The following CTNND2 variants were observed in gnomAD, a reference collection of about 807,000 sequenced individuals.
CTNND2 encodes the protein catenin delta 2.
CTNND2 carries 22 observed loss-of-function variants against 144.4 expected under a neutral mutation model. The ratio of observed to expected loss-of-function variants is 0.15; its 90% CI spans 0.11 to 0.22. CTNND2 has a LOEUF of 0.22. Ranked by LOEUF, CTNND2 falls within the 10% of genes least tolerant of loss-of-function variation. The probability of loss-of-function intolerance (pLI) is 1.00; values close to 1 mark genes in which losing one functional copy is unlikely to be tolerated. For missense variants in CTNND2, 1,353 were observed against 1,618.8 expected, an observed-to-expected ratio of 0.84 and a Z score of 2.82; for synonymous variants, 751 against 695.6, an observed-to-expected ratio of 1.08 and a Z score of -1.25.
chr5:11,283,067 C>T (rs545085184), intron 9 of CTNND2, among the ~76,000 whole-genome samples: 1 of 152,298 alleles, frequency 6.6e-6, no homozygotes, highest in South Asian at 2.1e-4. Context: ...TCCTAAAATG[C>T]TTTGACACCC....
At chr5:11,184,973 T>C (rs1395344559) in intron 11 of CTNND2, among the ~76,000 whole-genome samples, 2 of 152,192 alleles carry the variant, frequency 1.3e-5, no homozygotes, top group African/African-American at 4.8e-5. Context: ...CAGGAGTGCT[T>C]GTGCCTTAGT....
At chr5:11,178,070 C>T (rs1462190143) in intron 11 of CTNND2, among the ~76,000 whole-genome samples, 1 of 152,124 alleles carries the variant, frequency 6.6e-6, no homozygotes, top group Admixed American at 6.6e-5. Flanking sequence ...GCTTAGGATT[C>T]AAGCTGGTTT....
intron 9 of CTNND2, among the ~76,000 whole-genome samples, chr5:11,292,735 C>G (rs1561165155): frequency 6.6e-6 from 1 of 152,090 alleles, no homozygotes; most frequent in Non-Finnish European, 1.5e-5. Flanking sequence ...TGGGGCAGTT[C>G]TTTATAGCAG....
At chr5:11,593,053 G>A (rs1213164084) in intron 2 of CTNND2, among the ~76,000 whole-genome samples, 9 of 151,420 alleles carry the variant, frequency 5.9e-5, no homozygotes, top group Non-Finnish European at 1.0e-4. Flanking sequence ...CCCCAGTTGC[G>A]AAAAAATAAA....
At chr5:11,165,791 A>C (rs569017876) in intron 11 of CTNND2, among the ~76,000 whole-genome samples, 4 of 152,340 alleles carry the variant, frequency 2.6e-5, no homozygotes, top group African/African-American at 7.2e-5. Context: ...ATAAAACCTT[A>C]ATTACTTTCA....
At chr5:11,222,986 G>C (rs1052645749) in intron 10 of CTNND2, among the ~76,000 whole-genome samples, 2 of 152,110 alleles carry the variant, frequency 1.3e-5, no homozygotes, top group Non-Finnish European at 2.9e-5. Context: ...GAGGGAGAAG[G>C]AAGAGGTGTT....
intron 15 of CTNND2, among the ~76,000 whole-genome samples, chr5:11,090,061 G>A (rs1476744677): frequency 6.6e-6 from 1 of 152,204 alleles, no homozygotes; most frequent in Non-Finnish European, 1.5e-5. Flanking sequence ...GCTCCTTTGG[G>A]AGTGTGTTCT....
intron 1 of CTNND2, among the ~76,000 whole-genome samples, chr5:11,824,041 T>C (rs1464685178): frequency 7.1e-6 from 1 of 141,160 alleles, no homozygotes; most frequent in Non-Finnish European, 1.5e-5. Flanking sequence ...AGGTGGAGGT[T>C]GCAGTGAGTC....
chr5:11,113,033 C>G (rs1279108886), intron 13 of CTNND2, among the ~76,000 whole-genome samples: 2 of 152,024 alleles, frequency 1.3e-5, no homozygotes, highest in African/African-American at 4.8e-5. Flanking sequence ...CCCAGCTACT[C>G]AGGAGGCTAA....
intron 16 of CTNND2, among the ~76,000 whole-genome samples, chr5:11,029,030 A>C (rs1406935609): frequency 6.6e-6 from 1 of 152,258 alleles, no homozygotes; most frequent in Non-Finnish European, 1.5e-5. Flanking sequence ...TTCAAGACTG[A>C]ATAATATTCC....
At chr5:11,240,006 A>C (rs972946147) in intron 9 of CTNND2, among the ~76,000 whole-genome samples, 2 of 152,136 alleles carry the variant, frequency 1.3e-5, no homozygotes, top group African/African-American at 2.4e-5. Context: ...GAAAGAATGA[A>C]GGTGCTAACG....
chr5:11,343,390 C>A (rs1158524250), intron 9 of CTNND2, among the ~76,000 whole-genome samples: 1 of 152,170 alleles, frequency 6.6e-6, no homozygotes, highest in Non-Finnish European at 1.5e-5. Flanking sequence ...AAGGTAGATG[C>A]CGGAAATGAA....
At chr5:11,899,065 T>G (rs1737647692) in intron 1 of CTNND2, among the ~76,000 whole-genome samples, 1 of 152,182 alleles carries the variant, frequency 6.6e-6, no homozygotes, top group Non-Finnish European at 1.5e-5. Context: ...GACCATCTAT[T>G]TTCAAAGAGG....
chr5:11,625,400 T>C (rs1349778688), intron 2 of CTNND2, among the ~76,000 whole-genome samples: 1 of 151,472 alleles, frequency 6.6e-6, no homozygotes, highest in Non-Finnish European at 1.5e-5. Flanking sequence ...TCTCTCTCTC[T>C]CTCTCTCTCT....
At position 11,424,605 on chromosome 5, in the gene CTNND2, CGT is replaced by C. The variant is rs58677308; in HGVS notation, c.288-12538_288-12537del. On this transcript the variant is annotated intron_variant, in intron 3 of 21. Coordinates refer to ENST00000304623, the MANE Select transcript of CTNND2 (RefSeq NM_001332.4). ...AGGGGCTAGGCGAAGTTAGAAGAGA[CGT>C]GTGTGTGTGTGTGTATGTTTGGCAT... Among the ~76,000 whole-genome samples, 8 of 150,160 alleles carry C rather than the reference CGT, an allele frequency of 5.3e-5. No individual in the cohort carries two copies. In the East Asian group the frequency reaches 5.9e-4, roughly 11 times the overall value.
intron 12 of CTNND2, among the ~76,000 whole-genome samples, chr5:11,135,100 C>T (rs1356523276): frequency 6.6e-6 from 1 of 152,042 alleles, no homozygotes; most frequent in Non-Finnish European, 1.5e-5. Flanking sequence ...AAAAATTGTG[C>T]ACTTAACCAG....
chr5:11,049,876 G>T (rs1347344729), intron 16 of CTNND2, among the ~76,000 whole-genome samples: 1 of 152,114 alleles, frequency 6.6e-6, no homozygotes, highest in African/African-American at 2.4e-5. Context: ...CAAGCAATTC[G>T]CTGTCTTAGT....
At chr5:11,186,463 C>G (rs1200707163) in intron 11 of CTNND2, among the ~76,000 whole-genome samples, 1 of 152,140 alleles carries the variant, frequency 6.6e-6, no homozygotes, top group Non-Finnish European at 1.5e-5. Flanking sequence ...TGAGGAAGCA[C>G]ACTGTAATAT....
chr5:11,208,298 C>T (rs1738263428), intron 10 of CTNND2, among the ~76,000 whole-genome samples: 1 of 152,078 alleles, frequency 6.6e-6, no homozygotes. Context: ...AATATTTAAG[C>T]AGTTCAAATC....
Sources: allele counts gnomAD v4.1 joint callset (sites outside exome capture counted in the v4.1 genomes callset), GRCh38; gene constraint gnomAD v4.1.1; transcripts MANE v1.5; gene names NCBI Gene and HGNC (gene_info 2026-07-23, HGNC 2026-07-21).